Variants in PRELID3A observed in about 807,000 individuals in gnomAD.
PRELID3A encodes PRELI domain containing 3A.
PRELID3A carries 27 observed loss-of-function variants against 23.0 expected under a neutral mutation model. The observed-to-expected ratio is 1.17, with a 90% CI of 0.87 to 1.62. The LOEUF is 1.62. PRELID3A is among the 40% of genes most tolerant of loss of function. The pLI is 0.00. For synonymous variants in PRELID3A, 87 were observed against 86.4 expected, an observed-to-expected ratio of 1.01 and a Z score of -0.04; for missense variants, 231 against 231.4, an observed-to-expected ratio of 1.00 and a Z score of 0.01.
At chr18:12,427,174 C>T in intron 4 of PRELID3A, 47 bp from the exon 5 acceptor site, 1 of 1,601,622 alleles carries the variant, frequency 6.2e-7, no homozygotes, top group Non-Finnish European at 8.6e-7. Context: ...GCAGACCCTC[C>T]TCTCTCTCAG....
At chr18:12,415,009 G>T (rs1241797833) in intron 1 of PRELID3A, among the ~76,000 whole-genome samples, 1 of 151,980 alleles carries the variant, frequency 6.6e-6, no homozygotes, top group African/African-American at 2.4e-5. Flanking sequence ...ACTTACTGCA[G>T]CCTCAAACTG....
chr18:12,421,947 T>C (rs1321139549), intron 3 of PRELID3A, among the ~76,000 whole-genome samples: 2 of 151,972 alleles, frequency 1.3e-5, no homozygotes, highest in Admixed American at 6.6e-5. Context: ...GCAGACGTTT[T>C]TGTTTTTTTA....
intron 1 of PRELID3A, among the ~76,000 whole-genome samples, chr18:12,419,641 A>G (rs1439055113): frequency 6.8e-6 from 1 of 147,160 alleles, no homozygotes; most frequent in African/African-American, 2.5e-5. Context: ...AAAAAAATTA[A>G]TTAATTTAAA....
chr18:12,430,203 C>A (rs373601850), intron 6 of PRELID3A, among the ~76,000 whole-genome samples: 20 of 152,348 alleles, frequency 1.3e-4, no homozygotes, highest in African/African-American at 4.8e-4. Context: ...GGCCTCGCCT[C>A]CTTCATGGCC....
rs958169794 is a variant in PRELID3A, at chr18:12,420,444, G to A, written c.152G>A (p.Ser51Asn). ...GTGGACGGCCGCGGCCGCCTGCACA[G>A]CTTGCGCCTGCTCAGCACCGAGTGG... Reference protein sequence around the residue: ...RRVDGRGRLHSLRLLSTEWGL... With the variant: ...RRVDGRGRLHNLRLLSTEWGL... Residue 51 changes from serine to asparagine, a missense_variant, in exon 2 of 7, where the codon AGC becomes AAC. Ser to Asn is a conservative substitution (Grantham distance 46, BLOSUM62 1). Transcript: ENST00000440960. 7 of 1,575,686 alleles carry A rather than the reference G, an allele frequency of 4.4e-6. No individual in the cohort carries two copies. The highest frequency in any genetic ancestry group is 6.0e-6 in the Non-Finnish European group (7 of 1,161,744).
At position 12,426,400 on chromosome 18, in the gene PRELID3A, A is replaced by G. The variant is rs546990583; in HGVS notation, c.292-641A>G. ...AAACTCCGTCTCTACTAAAAATACAAAAAATTAGCTGGGCATGGTGGCAGG... is the reference window on the plus strand; with the variant it reads ...AAACTCCGTCTCTACTAAAAATACAGAAAATTAGCTGGGCATGGTGGCAGG... On this transcript the variant is annotated intron_variant, in intron 3 of 6. Coordinates refer to ENST00000440960, the MANE Select transcript of PRELID3A (RefSeq NM_001142405.2). Among the ~76,000 whole-genome samples, 233 of 150,416 alleles carry G rather than the reference A, an allele frequency of 1.5e-3. 7 individuals carry two copies. In the South Asian group the frequency reaches 0.047, roughly 30 times the overall value.
intron 1 of PRELID3A, among the ~76,000 whole-genome samples, chr18:12,409,418 C>T (rs12326265): frequency 0.02 from 3,023 of 152,154 alleles, 82 homozygotes; most frequent in African/African-American, 0.07. Flanking sequence ...CCACCCGCCT[C>T]GGCCTCCCAA....
At chr18:12,427,547 T>G (rs997933051) in intron 5 of PRELID3A, among the ~76,000 whole-genome samples, 2 of 151,874 alleles carry the variant, frequency 1.3e-5, no homozygotes, top group South Asian at 2.1e-4. Context: ...ATACAAAAAT[T>G]AGCTGGGCAT....
chr18:12,425,470 A>AC (rs2030327129), intron 3 of PRELID3A, among the ~76,000 whole-genome samples: 1 of 150,178 alleles, frequency 6.7e-6, no homozygotes, highest in Admixed American at 6.6e-5. Context: ...AATACAAAAA[A>AC]AAAAAAAAAA....
At chr18:12,416,259 C>T (rs1598857395) in intron 1 of PRELID3A, among the ~76,000 whole-genome samples, 1 of 152,162 alleles carries the variant, frequency 6.6e-6, no homozygotes, top group East Asian at 1.9e-4. Flanking sequence ...TATTTTTGCC[C>T]ATTGAAAGCG....
In PRELID3A at chr18:12,429,838, C is replaced by G. The variant is rs150467638; in HGVS notation, c.*33+402C>G. On this transcript the variant is annotated intron_variant, in intron 6 of 6. Transcript: ENST00000440960. Reference sequence around the variant, plus strand: ...GCTGTGAGCGAGGTCCTGTGCCCACCTCTTCACTTGCCCCAAGCCAGTACA... The same window carrying G: ...GCTGTGAGCGAGGTCCTGTGCCCACGTCTTCACTTGCCCCAAGCCAGTACA... Among the ~76,000 whole-genome samples the G allele has an allele frequency of 6.1e-3, 924 of 152,380 alleles. 9 individuals carry two copies. Among genetic ancestry groups the G allele is most frequent in the African/African-American group, 0.021 (867 of 41,588 alleles).
At chr18:12,420,523 C>T (rs1207481126) in intron 2 of PRELID3A, 30 bp downstream of exon 2, 13 of 1,484,896 alleles carry the variant, frequency 8.8e-6, no homozygotes, top group Non-Finnish European at 9.8e-6. Context: ...CGGCTCCGAA[C>T]GCGCCCGACT....
intron 3 of PRELID3A, among the ~76,000 whole-genome samples, chr18:12,422,684 C>G (rs1328993793): frequency 6.6e-6 from 1 of 152,024 alleles, no homozygotes; most frequent in Non-Finnish European, 1.5e-5. Flanking sequence ...AGCTACTTCC[C>G]CCCTTCACTC....
Position 12,413,645 on chromosome 18 carries a change from A to G in PRELID3A, c.32+5638A>G, listed in dbSNP as rs149594219. 5.4e-3 allele frequency among the ~76,000 whole-genome samples: 828 copies of G among 152,284 alleles called. 3 individuals carry two copies. The highest frequency in any genetic ancestry group is 0.013 in the African/African-American group (528 of 41,564). ...GTCGCCCAGGCTGGAGTGCAGTGGC[A>G]TGATCTCAGTTAACTGCAACCTCTG... On this transcript the variant is annotated intron_variant, in intron 1 of 6. Transcript: ENST00000440960.
At chr18:12,430,609 G>A (rs1265034089) in intron 6 of PRELID3A, among the ~76,000 whole-genome samples, 2 of 151,374 alleles carry the variant, frequency 1.3e-5, no homozygotes, top group African/African-American at 4.9e-5. Context: ...TGTGGTGTGT[G>A]TGTGCTCTGT....
chr18:12,423,458 G>A (rs542093731), intron 3 of PRELID3A, among the ~76,000 whole-genome samples: 15 of 152,312 alleles, frequency 9.8e-5, no homozygotes, highest in African/African-American at 3.4e-4. Context: ...CCTGGGGTGA[G>A]ACATGGGGAG....
chr18:12,426,897 T>G lies in PRELID3A; in HGVS notation c.292-144T>G, dbSNP rs142359652. 1,767 of 624,692 alleles carry G rather than the reference T, an allele frequency of 2.8e-3. 22 individuals are homozygous for G. The African/African-American group carries it at 0.029, about 10-fold the overall frequency. 38.7% of individuals were successfully genotyped at this position (624,692 alleles called of 1,614,324 possible). ...CAGCAAAACCATGGTTTCCTAGGAT[T>G]TAATGTGGTCGTATCTCCTATGCCT... On this transcript the variant is annotated intron_variant, in intron 3 of 6. Coordinates refer to ENST00000440960, the MANE Select transcript of PRELID3A (RefSeq NM_001142405.2).
rs2030184477 is a variant in PRELID3A at position 12,421,599 on chromosome 18, G to A, written c.261G>A (p.Val87=). The A allele has an allele frequency of 1.9e-6, 3 of 1,613,516 alleles. No homozygotes were observed. ...GAGAACATTCTGTGGTGGATCCAGTGGAAAAGAAAATGGAACTTTGTTCTA... is the reference window on the plus strand; with the variant it reads ...GAGAACATTCTGTGGTGGATCCAGTAGAAAAGAAAATGGAACTTTGTTCTA... ...YIREHSVVDP[V]EKKMELCSTN... The change falls in exon 3 of 7, where the codon GTG becomes GTA. Residue 87 remains valine, a synonymous_variant. Transcript: ENST00000440960.
chr18:12,418,837 CA>C (rs1290457879), intron 1 of PRELID3A, among the ~76,000 whole-genome samples: 2 of 152,166 alleles, frequency 1.3e-5, no homozygotes, highest in Non-Finnish European at 2.9e-5. Context: ...CAGGCCTAAA[CA>C]AGTGCAGAGC....
Sources: gnomAD v4.1 joint callset for allele counts (sites outside exome capture counted in the v4.1 genomes callset) on GRCh38, gnomAD v4.1.1 for gene constraint, MANE v1.5 for transcripts, NCBI Gene and HGNC (gene_info 2026-07-23, HGNC 2026-07-21) for gene names.